NT5C2: variants seen among roughly 807,000 people sequenced by gnomAD.
NT5C2 encodes the protein cytosolic purine 5'-nucleotidase.
In NT5C2, 58 loss-of-function variants were observed where a neutral mutation model predicts 76.1. That is an observed-to-expected ratio of 0.76 (90% CI 0.62 to 0.95). The LOEUF is 0.95. Among genes scored for constraint, NT5C2 ranks in the 40% least tolerant of loss-of-function variants. NT5C2 has a pLI of 0.00. For missense variants in NT5C2, 478 were observed against 690.3 expected (o/e 0.69, Z 3.45); for synonymous variants, 229 against 237.4 (o/e 0.96, Z 0.32).
At chr10:103,153,320 TC>T in intron 3 of NT5C2, 1 of 1,281,904 alleles carries the variant, frequency 7.8e-7, no homozygotes, top group Non-Finnish European at 1.0e-6. Context: ...AAGATCTACT[TC>T]CTCTGGATGA....
chr10:103,190,511 G>A (rs577290539), intron 1 of NT5C2, among the ~76,000 whole-genome samples: 6 of 152,250 alleles, frequency 3.9e-5, no homozygotes, highest in African/African-American at 7.2e-5. Flanking sequence ...ATGTGTGCCA[G>A]TATCACTTCA....
intron 3 of NT5C2, 61 bp from the exon 4 acceptor site, chr10:103,139,540 A>C: frequency 8.5e-7 from 1 of 1,174,320 alleles, no homozygotes; most frequent in Non-Finnish European, 1.2e-6. Flanking sequence ...AAGTTTAATA[A>C]AGTTATTTGG....
At chr10:103,120,703 G>GCC in intron 4 of NT5C2, among the ~76,000 whole-genome samples, 1 of 152,316 alleles carries the variant, frequency 6.6e-6, no homozygotes, top group African/African-American at 2.4e-5. Flanking sequence ...GATGTAAGAT[G>GCC]TTACAGCCAC....
intron 3 of NT5C2, among the ~76,000 whole-genome samples, chr10:103,145,045 A>T (rs1358538873): frequency 6.6e-6 from 1 of 152,144 alleles, no homozygotes; most frequent in Admixed American, 6.5e-5. Context: ...ACATGAGGGG[A>T]GGCGCAGTGT....
At chr10:103,191,429 A>C (rs1006319034) in intron 1 of NT5C2, among the ~76,000 whole-genome samples, 4 of 151,906 alleles carry the variant, frequency 2.6e-5, no homozygotes, top group Admixed American at 6.6e-5. Context: ...AAAAAAAAAA[A>C]CCTGTGTTTT....
chr10:103,183,287 A>ATT (rs1275822579), intron 1 of NT5C2, among the ~76,000 whole-genome samples: 1 of 123,000 alleles, frequency 8.1e-6, no homozygotes, highest in Non-Finnish European at 1.7e-5. Context: ...ATATATATAT[A>ATT]TATATATCAC....
intron 4 of NT5C2, among the ~76,000 whole-genome samples, chr10:103,129,899 C>A: frequency 1.1e-5 from 1 of 90,424 alleles, no homozygotes; most frequent in Non-Finnish European, 2.2e-5. Context: ...AGCCCCCCGC[C>A]CGGCCAGCCG....
Position 103,139,490 on chromosome 10 carries a change from T to A in NT5C2, c.102-11A>T. 6.8e-7 allele frequency: 1 copy of A among 1,466,978 alleles called. No homozygotes were observed. The allele number at this position is 1,466,978 out of a possible 1,614,324, so 90.9% of individuals were successfully genotyped here. On this transcript the variant is annotated splice_polypyrimidine_tract_variant and intron_variant, in intron 3 of 18. Transcript: ENST00000404739. ...CGGTTCACAAACACCCTATAGAAAA[T>A]AATAAAAAATAATATCTCAACACTG...
chr10:103,129,543 C>A (rs1223209147), intron 4 of NT5C2, among the ~76,000 whole-genome samples: 1 of 125,880 alleles, frequency 7.9e-6, no homozygotes. Context: ...CAGCCCCCCG[C>A]CCGGCCAGCC....
At chr10:103,104,604 C>A (rs1224877995) in intron 6 of NT5C2, among the ~76,000 whole-genome samples, 2 of 152,184 alleles carry the variant, frequency 1.3e-5, no homozygotes, top group Admixed American at 6.5e-5. Context: ...TAATCACTGG[C>A]CTGCTCAGAT....
At chr10:103,091,952 G>A (rs1460558199) in intron 15 of NT5C2, among the ~76,000 whole-genome samples, 1 of 152,174 alleles carries the variant, frequency 6.6e-6, no homozygotes, top group Non-Finnish European at 1.5e-5. Context: ...CTAAGCAAAT[G>A]TTAACAGTCC....
At chr10:103,123,842 G>T (rs944573787) in intron 4 of NT5C2, among the ~76,000 whole-genome samples, 1 of 147,370 alleles carries the variant, frequency 6.8e-6, no homozygotes, top group African/African-American at 2.5e-5. Context: ...TCAAGCCTTC[G>T]AAATTGGGGG....
intron 5 of NT5C2, among the ~76,000 whole-genome samples, 153 bp downstream of exon 5, chr10:103,106,436 T>C (rs949277425): frequency 3.9e-5 from 6 of 152,216 alleles, no homozygotes; most frequent in Admixed American, 2.0e-4. Flanking sequence ...ATGGTAATTT[T>C]AGAATCAACA....
At chr10:103,118,361 CTT>C (rs35763505) in intron 4 of NT5C2, among the ~76,000 whole-genome samples, 13 of 137,694 alleles carry the variant, frequency 9.4e-5, no homozygotes, top group Admixed American at 7.4e-5. Context: ...ATTTCTTTTC[CTT>C]TTTTTTTTTT....
At chr10:103,127,589 G>A (rs1226959705) in intron 4 of NT5C2, among the ~76,000 whole-genome samples, 2 of 152,106 alleles carry the variant, frequency 1.3e-5, no homozygotes, top group Admixed American at 1.3e-4. Flanking sequence ...AGCAAAATAA[G>A]AAACATTTTA....
At chr10:103,172,342 A>G (rs2088374022) in intron 3 of NT5C2, among the ~76,000 whole-genome samples, 2 of 145,378 alleles carry the variant, frequency 1.4e-5, no homozygotes, top group Admixed American at 7.0e-5. Context: ...TCCGCCTCCT[A>G]GGTTCACACC....
chr10:103,120,063 C>T (rs2075346865), intron 4 of NT5C2, among the ~76,000 whole-genome samples: 1 of 151,274 alleles, frequency 6.6e-6, no homozygotes, highest in South Asian at 2.1e-4. Flanking sequence ...CACACCACTG[C>T]ACTCCAGCCT....
chr10:103,135,413 G>A (rs1433666409), intron 4 of NT5C2, among the ~76,000 whole-genome samples: 1 of 152,150 alleles, frequency 6.6e-6, no homozygotes, highest in Non-Finnish European at 1.5e-5. Context: ...GCTGCCATGT[G>A]AGACATGCCT....
intron 4 of NT5C2, among the ~76,000 whole-genome samples, chr10:103,136,550 T>G (rs2079281381): frequency 6.6e-6 from 1 of 151,774 alleles, no homozygotes; most frequent in African/African-American, 2.4e-5. Flanking sequence ...AGCATTAAAA[T>G]ACGAAGTGGC....
Sources: allele counts gnomAD v4.1 joint callset (sites outside exome capture counted in the v4.1 genomes callset), GRCh38; gene constraint gnomAD v4.1.1; transcripts MANE v1.5; gene names NCBI Gene and HGNC (gene_info 2026-07-23, HGNC 2026-07-21).